The following RUNX2 variants were observed in gnomAD, a reference collection of about 807,000 sequenced individuals.
RUNX2 encodes the protein runt-related transcription factor 2.
Under a neutral mutation model 51.7 loss-of-function variants are expected in RUNX2, and 10 were observed. That is an observed-to-expected ratio of 0.19 (90% confidence interval 0.12 to 0.33). The LOEUF is 0.33. RUNX2 is among the 10% of genes least tolerant of loss of function. The pLI is 1.00. For synonymous variants in RUNX2, 276 were observed against 273.6 expected, an observed-to-expected ratio of 1.01 and a Z score of -0.09; for missense variants, 562 against 691.3, an observed-to-expected ratio of 0.81 and a Z score of 2.10.
At chr6:45,520,365 A>G (rs1801468360) in intron 7 of RUNX2, among the ~76,000 whole-genome samples, 2 of 152,194 alleles carry the variant, frequency 1.3e-5, no homozygotes, top group East Asian at 1.9e-4. Context: ...AATCTTGCCC[A>G]TAGATAAATT....
intron 7 of RUNX2, among the ~76,000 whole-genome samples, chr6:45,530,753 C>A (rs998929504): frequency 2.0e-5 from 3 of 152,198 alleles, no homozygotes; most frequent in South Asian, 4.1e-4. Context: ...TAAAAAGGAG[C>A]AGGACTATTG....
chr6:45,398,831 A>G (rs1582070258), intron 2 of RUNX2, among the ~76,000 whole-genome samples: 2 of 152,330 alleles, frequency 1.3e-5, no homozygotes, highest in South Asian at 4.1e-4. Context: ...GAAAGTAGGT[A>G]TTATTGGTCC....
At chr6:45,539,785 A>T (rs1297925628) in intron 7 of RUNX2, among the ~76,000 whole-genome samples, 1 of 152,138 alleles carries the variant, frequency 6.6e-6, no homozygotes, top group Non-Finnish European at 1.5e-5. Context: ...TCAGCACCAT[A>T]CTATAAGGTA....
chr6:45,499,410 G>GC (rs1800737482), intron 6 of RUNX2, among the ~76,000 whole-genome samples: 1 of 152,158 alleles, frequency 6.6e-6, no homozygotes, highest in South Asian at 2.1e-4. Flanking sequence ...TGCTCTGGTG[G>GC]CCACATTATG....
intron 5 of RUNX2, among the ~76,000 whole-genome samples, chr6:45,486,061 G>T (rs969276794): frequency 5.9e-5 from 9 of 151,812 alleles, no homozygotes; most frequent in Admixed American, 5.2e-4. Context: ...ATATTGTAAA[G>T]CAAATACTGG....
chr6:45,542,904 T>G (rs547239334), intron 7 of RUNX2, among the ~76,000 whole-genome samples: 1 of 152,280 alleles, frequency 6.6e-6, no homozygotes, highest in East Asian at 1.9e-4. Flanking sequence ...GATACCAGCT[T>G]TCCTATTTGT....
chr6:45,523,579 TA>T (rs1433856800), intron 7 of RUNX2, among the ~76,000 whole-genome samples: 5 of 152,080 alleles, frequency 3.3e-5, no homozygotes, highest in Non-Finnish European at 7.4e-5. Flanking sequence ...CCTGCATGAT[TA>T]TTTTAAATTA....
intron 5 of RUNX2, among the ~76,000 whole-genome samples, chr6:45,444,943 A>G (rs1028142607): frequency 7.2e-5 from 11 of 152,068 alleles, no homozygotes; most frequent in Non-Finnish European, 1.6e-4. Context: ...ATTACTTTTC[A>G]TCTTAGTTGG....
rs926238622 is a variant in RUNX2, at chr6:45,548,477, A to G, written c.*1172A>G. 2 of 152,690 alleles carry G rather than the reference A, an allele frequency of 1.3e-5. No individual in the cohort carries two copies. The highest frequency in any genetic ancestry group is 1.3e-4 in the Admixed American group (2 of 15,290). The allele number at this position is 152,690 out of a possible 1,614,324, so 9.5% of individuals were successfully genotyped here. A position where few individuals can be genotyped will look rare whatever the true frequency, so the allele number is the denominator to read the frequency against. Reference sequence around the variant, plus strand: ...TCTTTCAGATCTTTGAATGCCTCTAACACAGCTTTGCCTTCTAAAGCGGTA... The same window carrying G: ...TCTTTCAGATCTTTGAATGCCTCTAGCACAGCTTTGCCTTCTAAAGCGGTA... On this transcript the variant is annotated 3_prime_UTR_variant, in exon 9 of 9. Transcript: ENST00000647337.
Position 45,332,542 on chromosome 6 carries a change from T to A in RUNX2, c.58+3758T>A, listed in dbSNP as rs113847277. On this transcript the variant is annotated intron_variant, in intron 2 of 8. Coordinates refer to ENST00000647337, the MANE Select transcript of RUNX2 (RefSeq NM_001024630.4). ...CCAATCTTCCATACTGTTCTAACCT[T>A]TGTTCTAGGATACTAAGATATGACA... is the stretch of plus-strand genomic sequence containing the variant. 9.1e-3 allele frequency among the ~76,000 whole-genome samples: 1,376 copies of A among 151,924 alleles called. 14 individuals are homozygous for A. The highest frequency in any genetic ancestry group is 0.028 in the South Asian group (137 of 4,828).
chr6:45,423,038 G>T, intron 3 of RUNX2, 81 bp downstream of exon 3: 2 of 1,541,906 alleles, frequency 1.3e-6, no homozygotes, highest in Non-Finnish European at 1.7e-6. Flanking sequence ...ACGGGGCTGG[G>T]CCCCGGACGT....
chr6:45,501,921 G>C (rs565556593), intron 6 of RUNX2, among the ~76,000 whole-genome samples: 1 of 152,268 alleles, frequency 6.6e-6, no homozygotes, highest in African/African-American at 2.4e-5. Flanking sequence ...GCTGTTTTCA[G>C]AATAAGATAA....
chr6:45,378,162 C>G (rs60126207), intron 2 of RUNX2, among the ~76,000 whole-genome samples: 2 of 152,208 alleles, frequency 1.3e-5, no homozygotes, highest in Non-Finnish European at 2.9e-5. Context: ...TTGGGCAGCG[C>G]TGAGCCACGC....
intron 2 of RUNX2, among the ~76,000 whole-genome samples, chr6:45,332,083 G>A (rs1212661579): frequency 6.6e-6 from 1 of 151,906 alleles, no homozygotes; most frequent in East Asian, 1.9e-4. Flanking sequence ...ATACTTTAAA[G>A]CAGCGCTAAT....
At chr6:45,493,289 A>C (rs1800542792) in intron 6 of RUNX2, among the ~76,000 whole-genome samples, 1 of 152,252 alleles carries the variant, frequency 6.6e-6, no homozygotes, top group Non-Finnish European at 1.5e-5. Flanking sequence ...TGCATTAAGG[A>C]AGAACATTAT....
intron 3 of RUNX2, among the ~76,000 whole-genome samples, chr6:45,424,849 C>T (rs1018227574): frequency 6.6e-6 from 1 of 152,042 alleles, no homozygotes; most frequent in Non-Finnish European, 1.5e-5. Context: ...TCACATTTCT[C>T]CTTTTATAAA....
At chr6:45,490,737 T>C (rs372988095) in intron 5 of RUNX2, among the ~76,000 whole-genome samples, 9 of 152,306 alleles carry the variant, frequency 5.9e-5, no homozygotes, top group East Asian at 5.8e-4. Flanking sequence ...GATAATATTC[T>C]AATTCCCTTA....
In RUNX2 at chr6:45,387,833, G is replaced by C. The variant is rs1263402143; in HGVS notation, c.59-34760G>C. Among the ~76,000 whole-genome samples the C allele has an allele frequency of 3.3e-5, 5 of 152,154 alleles. No homozygotes were observed. In the East Asian group the frequency reaches 9.6e-4, roughly 29 times the overall value. On this transcript the variant is annotated intron_variant, in intron 2 of 8. Coordinates refer to ENST00000647337, the MANE Select transcript of RUNX2 (RefSeq NM_001024630.4). ...AGAGGCATATTAATGATGCTAAAAC[G>C]AGAATCAGGATTAATTGGACTTAGC...
intron 2 of RUNX2, among the ~76,000 whole-genome samples, chr6:45,373,382 T>C (rs1796351696): frequency 2.0e-5 from 3 of 152,084 alleles, no homozygotes; most frequent in African/African-American, 7.2e-5. Flanking sequence ...GTATAACCTA[T>C]TAGGTGGGAA....
Sources: allele counts gnomAD v4.1 joint callset (sites outside exome capture counted in the v4.1 genomes callset), GRCh38; gene constraint gnomAD v4.1.1; transcripts MANE v1.5; gene names NCBI Gene and HGNC (gene_info 2026-07-23, HGNC 2026-07-21).